XYLB: variants seen among roughly 807,000 people sequenced by gnomAD.
The protein encoded by XYLB is xylulokinase.
Under a neutral mutation model 78.7 loss-of-function variants are expected in XYLB, and 62 were observed. The ratio of observed to expected loss-of-function variants is 0.79; its 90% CI spans 0.64 to 0.97. XYLB has a LOEUF of 0.97. XYLB is among the 50% of genes least tolerant of loss of function. XYLB has a pLI of 0.00. For synonymous variants in XYLB, 245 were observed against 247.4 expected (o/e 0.99, Z 0.09); for missense variants, 687 against 676.8 (o/e 1.02, Z -0.17).
chr3:38,367,171 C>T (rs1036607243), intron 7 of XYLB, among the ~76,000 whole-genome samples: 12 of 152,114 alleles, frequency 7.9e-5, no homozygotes, highest in African/African-American at 2.9e-4. Flanking sequence ...ATCTGAGTGT[C>T]TGAGCAGGCT....
chr3:38,373,494 G>A (rs1168047363), intron 10 of XYLB, among the ~76,000 whole-genome samples: 1 of 152,108 alleles, frequency 6.6e-6, no homozygotes, highest in Non-Finnish European at 1.5e-5. Flanking sequence ...ATCAACCTGG[G>A]CAGTATCTTT....
the XYLB span, among the ~76,000 whole-genome samples, chr3:38,434,283 C>T: frequency 6.6e-6 from 1 of 152,088 alleles, no homozygotes; most frequent in Non-Finnish European, 1.5e-5. Context: ...GTCTGATTTT[C>T]TAAAGTCCAA....
intron 17 of XYLB, among the ~76,000 whole-genome samples, chr3:38,397,823 C>CT (rs71085321): frequency 0.42 from 58,554 of 138,562 alleles, 14,728 homozygotes; most frequent in Non-Finnish European, 0.58. Flanking sequence ...TTTTTCTTTT[C>CT]TTTTTTTTTT....
At chr3:38,439,554 A>T in the XYLB span, among the ~76,000 whole-genome samples, 1 of 152,162 alleles carries the variant, frequency 6.6e-6, no homozygotes, top group African/African-American at 2.4e-5. Context: ...CAAGGTCAGG[A>T]GATCGAGACC....
chr3:38,372,583 AG>A, intron 9 of XYLB, 71 bp from the exon 10 acceptor site: 1 of 1,610,566 alleles, frequency 6.2e-7, no homozygotes, highest in Non-Finnish European at 8.5e-7. Flanking sequence ...CGTGGCCTGA[AG>A]GGTGGGTGGC....
chr3:38,423,808 A>G (rs1709048031), downstream of XYLB, among the ~76,000 whole-genome samples: 1 of 152,192 alleles, frequency 6.6e-6, no homozygotes, highest in African/African-American at 2.4e-5. Flanking sequence ...ATCACTTGCA[A>G]AACTCGATTT....
In XYLB at chr3:38,376,256, G is replaced by A. The variant is rs138022618; in HGVS notation, c.1120+24G>A. The stretch of plus-strand genomic sequence containing the variant: ...GGGTAGGCCAGTTGGTGGTGCCCAG[G>A]CCTGTGAAGGGTCAGCAGCTGCCGA... On this transcript the variant is annotated intron_variant, in intron 13 of 18. Coordinates refer to ENST00000207870, the MANE Select transcript of XYLB (RefSeq NM_005108.4). 3.4e-5 allele frequency: 53 copies of A among 1,540,870 alleles called. No individual in the cohort carries two copies. The African/African-American group carries it at 5.5e-4, about 16-fold the overall frequency.
the XYLB span, among the ~76,000 whole-genome samples, chr3:38,434,983 A>C: frequency 6.6e-6 from 1 of 152,160 alleles, no homozygotes; most frequent in Non-Finnish European, 1.5e-5. Flanking sequence ...ATAGCGAAAC[A>C]AAAATTAGCT....
At chr3:38,376,672 C>G (rs1340865934) in intron 13 of XYLB, among the ~76,000 whole-genome samples, 6 of 152,210 alleles carry the variant, frequency 3.9e-5, no homozygotes, top group African/African-American at 1.4e-4. Context: ...CAGCTGCTTC[C>G]TATTCCAGGC....
At chr3:38,378,225 ATGCCTG>A (rs765664955) in intron 14 of XYLB, among the ~76,000 whole-genome samples, 17 of 152,370 alleles carry the variant, frequency 1.1e-4, no homozygotes, top group Middle Eastern at 6.8e-3. Context: ...GTGAGAAGCT[ATGCCTG>A]TTCTCTTTCA....
At chr3:38,422,232 T>C (rs1243948947), downstream of XYLB, among the ~76,000 whole-genome samples, 2 of 152,190 alleles carry the variant, frequency 1.3e-5, no homozygotes, top group Non-Finnish European at 2.9e-5. Context: ...ACAGGAGTCA[T>C]TGATTCAGAT....
At chr3:38,393,190 G>A (rs1020810345) in intron 15 of XYLB, among the ~76,000 whole-genome samples, 3 of 151,414 alleles carry the variant, frequency 2.0e-5, no homozygotes, top group East Asian at 1.9e-4. Flanking sequence ...TCACTTTGCC[G>A]CACAGGCTGG....
chr3:38,350,351 G>A (rs1378311915), intron 2 of XYLB, among the ~76,000 whole-genome samples: 1 of 152,236 alleles, frequency 6.6e-6, no homozygotes, highest in East Asian at 1.9e-4. Context: ...GCCATCAAAT[G>A]TGTGGCCATA....
At chr3:38,423,228 A>T (rs998306422), downstream of XYLB, among the ~76,000 whole-genome samples, 1 of 151,750 alleles carries the variant, frequency 6.6e-6, no homozygotes, top group Admixed American at 6.6e-5. Context: ...GCCCACCACC[A>T]CGCCCGGCTA....
the XYLB span, among the ~76,000 whole-genome samples, chr3:38,447,470 ATT>A: frequency 0.021 from 2,608 of 124,760 alleles, 56 homozygotes; most frequent in East Asian, 0.14. Context: ...CATCTGGCTA[ATT>A]TTTTTTTTTT....
chr3:38,387,310 CT>C (rs1051745894), intron 15 of XYLB, among the ~76,000 whole-genome samples: 163 of 144,568 alleles, frequency 1.1e-3, no homozygotes, highest in African/African-American at 2.7e-3. Context: ...ATTTTCTATT[CT>C]TTTTTTTTTT....
intron 18 of XYLB, among the ~76,000 whole-genome samples, chr3:38,407,577 A>G (rs1294013417): frequency 6.6e-6 from 1 of 152,034 alleles, no homozygotes; most frequent in East Asian, 1.9e-4. Flanking sequence ...CAATTAAAAG[A>G]CACAGACTGG....
intron 15 of XYLB, among the ~76,000 whole-genome samples, chr3:38,391,168 C>T (rs1014172292): frequency 1.6e-4 from 24 of 152,074 alleles, no homozygotes; most frequent in African/African-American, 5.6e-4. Context: ...GAGCCAAGAT[C>T]ACCCCATTGC....
the XYLB span, among the ~76,000 whole-genome samples, chr3:38,428,570 T>C: frequency 1.3e-5 from 2 of 152,254 alleles, no homozygotes; most frequent in African/African-American, 4.8e-5. Context: ...GAAATGTTCC[T>C]CTTTTTCCCT....
Sources: gnomAD v4.1 joint callset for allele counts (sites outside exome capture counted in the v4.1 genomes callset) on GRCh38, gnomAD v4.1.1 for gene constraint, MANE v1.5 for transcripts, NCBI Gene and HGNC (gene_info 2026-07-23, HGNC 2026-07-21) for gene names.